VPS53: variants seen among roughly 807,000 people sequenced by gnomAD.
The protein encoded by VPS53 is VPS53 subunit of GARP complex.
Under a neutral mutation model 107.0 loss-of-function variants are expected in VPS53, and 70 were observed. The observed-to-expected ratio is 0.65, with a 90% CI of 0.54 to 0.80. The LOEUF (loss-of-function observed/expected upper bound fraction) is 0.80. Among genes scored for constraint, VPS53 ranks in the 30% least tolerant of loss-of-function variants. The pLI, the probability that VPS53 is intolerant of heterozygous loss-of-function variation, is 0.00. For missense variants in VPS53, 917 were observed against 1,049.4 expected (o/e 0.87, Z 1.74); for synonymous variants, 409 against 393.3 (o/e 1.04, Z -0.47).
intron 11 of VPS53, among the ~76,000 whole-genome samples, chr17:604,974 A>G (rs569906553): frequency 2.4e-4 from 36 of 152,180 alleles, no homozygotes; most frequent in Non-Finnish European, 4.3e-4. Context: ...CTTCAATCCA[A>G]CAGTCACACA....
At chr17:589,321 A>G (rs1967508778) in intron 12 of VPS53, among the ~76,000 whole-genome samples, 1 of 152,108 alleles carries the variant, frequency 6.6e-6, no homozygotes, top group South Asian at 2.1e-4. Flanking sequence ...TAAAATGGCT[A>G]CATTATGAAA....
At chr17:521,516 G>A in intron 20 of VPS53, 85 bp downstream of exon 20, 1 of 1,401,222 alleles carries the variant, frequency 7.1e-7, no homozygotes, top group Non-Finnish European at 9.4e-7. Flanking sequence ...GGTGAGGATA[G>A]GACCTACCCT....
At chr17:541,052 A>T (rs1910599584) in intron 17 of VPS53, among the ~76,000 whole-genome samples, 1 of 151,956 alleles carries the variant, frequency 6.6e-6, no homozygotes, top group African/African-American at 2.4e-5. Flanking sequence ...CTACTTCTTC[A>T]CTGGATTAGA....
rs1050620368 is a variant in VPS53 at position 661,435 on chromosome 17, C to T, written c.372+374G>A. Among the ~76,000 whole-genome samples, 11 of 149,660 alleles carry T rather than the reference C, an allele frequency of 7.3e-5. No individual in the cohort carries two copies. The Middle Eastern group carries it at 0.017, about 238-fold the overall frequency. On this transcript the variant is annotated intron_variant, in intron 5 of 21. Coordinates refer to ENST00000437048, the MANE Select transcript of VPS53 (RefSeq NM_001128159.3). Reference sequence around the variant, plus strand: ...ACTTGGGCGGCTGAGGCAGGGGAATCGCTTGAACCTGGGAGGCGGAGGTTG... The same window carrying T: ...ACTTGGGCGGCTGAGGCAGGGGAATTGCTTGAACCTGGGAGGCGGAGGTTG...
chr17:687,351 G>A (rs1188191839), intron 4 of VPS53, among the ~76,000 whole-genome samples: 3 of 151,392 alleles, frequency 2.0e-5, no homozygotes, highest in Non-Finnish European at 4.4e-5. Flanking sequence ...GCTGAGGCAC[G>A]CAGATCATGA....
At chr17:672,164 A>T (rs1971983170) in intron 4 of VPS53, among the ~76,000 whole-genome samples, 15 of 91,958 alleles carry the variant, frequency 1.6e-4, no homozygotes, top group East Asian at 1.1e-3. Flanking sequence ...TCTCTCTCTC[A>T]CACAATCTCA....
chr17:622,999 G>C (rs1350729947), intron 11 of VPS53, among the ~76,000 whole-genome samples: 1 of 151,996 alleles, frequency 6.6e-6, no homozygotes, highest in South Asian at 2.1e-4. Flanking sequence ...AAAAAGAAGA[G>C]GTTTCCGGAG....
Position 661,862 on chromosome 17 carries a change from G to T in VPS53, c.319C>A (p.Leu107Ile). The T allele has an allele frequency of 6.4e-7, 1 of 1,552,288 alleles. No individual in the cohort carries two copies. The highest frequency in any genetic ancestry group is 8.7e-7 in the Non-Finnish European group (1 of 1,147,118). ...LEEAQKAIQQ[L>I]FGKIKDIKDK... ...TTGATATCTTTGATTTTGCCAAAGA[G>T]TTGTTGGATAGCTTTCTGAGCCTCT... Residue 107 changes from leucine (L) to isoleucine (I), a missense_variant, in exon 5 of 22, where the codon CTC (leucine) becomes ATC (isoleucine). By Grantham distance (5) the Leu-to-Ile change is conservative. Coordinates refer to ENST00000437048, the MANE Select transcript of VPS53 (RefSeq NM_001128159.3).
chr17:581,838 G>A (rs1046554921), intron 13 of VPS53, among the ~76,000 whole-genome samples: 13 of 151,112 alleles, frequency 8.6e-5, no homozygotes, highest in African/African-American at 2.9e-4. Context: ...GGACCTCAAT[G>A]CGTTCCCAGA....
At chr17:650,072 T>C (rs1048000848) in intron 7 of VPS53, among the ~76,000 whole-genome samples, 1 of 152,116 alleles carries the variant, frequency 6.6e-6, no homozygotes, top group African/African-American at 2.4e-5. Flanking sequence ...ATCTAGAAGA[T>C]CCAACGTTCA....
chr17:712,625 A>T (rs1597522637), intron 1 of VPS53, among the ~76,000 whole-genome samples: 2 of 152,324 alleles, frequency 1.3e-5, no homozygotes, highest in East Asian at 3.9e-4. Flanking sequence ...AAGTAAGAAA[A>T]AATTCTGAAT....
intron 1 of VPS53, among the ~76,000 whole-genome samples, chr17:712,408 T>C (rs1973679587): frequency 6.6e-6 from 1 of 151,906 alleles, no homozygotes; most frequent in African/African-American, 2.4e-5. Flanking sequence ...CTTGAACTCC[T>C]GACATCGTGA....
At chr17:689,596 C>T (rs1056090062) in intron 4 of VPS53, among the ~76,000 whole-genome samples, 2 of 151,016 alleles carry the variant, frequency 1.3e-5, no homozygotes. Context: ...GCCTCAGCCT[C>T]GTGAGTAGCT....
In VPS53 at chr17:519,490, A is replaced by C. The variant is rs1038178546; in HGVS notation, c.2329-192T>G. On this transcript the variant is annotated intron_variant, in intron 21 of 21. Coordinates refer to ENST00000437048, the MANE Select transcript of VPS53 (RefSeq NM_001128159.3). This position sits in a 1 kb window ranked among gnomAD's most constrained non-coding sequence, Gnocchi z 5.0. ...TAGCGTGGGAGGAAAAGAGAGGGGAAGAAAAGGTAAAGGAAGGGAAAGAAG... is the reference window on the plus strand; with the variant it reads ...TAGCGTGGGAGGAAAAGAGAGGGGACGAAAAGGTAAAGGAAGGGAAAGAAG... Among the ~76,000 whole-genome samples the C allele has an allele frequency of 6.6e-6, 1 of 152,196 alleles. No individual in the cohort carries two copies. The highest frequency in any genetic ancestry group is 1.5e-5 in the Non-Finnish European group (1 of 68,028).
intron 4 of VPS53, among the ~76,000 whole-genome samples, chr17:673,014 AG>A (rs1172624761): frequency 6.7e-6 from 1 of 150,326 alleles, no homozygotes; most frequent in Non-Finnish European, 1.5e-5. Context: ...CGGGAGACTT[AG>A]GCAGGAGAAT....
intron 13 of VPS53, among the ~76,000 whole-genome samples, chr17:572,330 G>A (rs1914210622): frequency 6.6e-6 from 1 of 151,244 alleles, no homozygotes; most frequent in Admixed American, 6.6e-5. Context: ...TGAGAAGTGA[G>A]GAGCCCCTCC....
intron 11 of VPS53, among the ~76,000 whole-genome samples, chr17:611,383 A>G (rs1485789003): frequency 6.6e-6 from 1 of 152,180 alleles, no homozygotes; most frequent in East Asian, 1.9e-4. Context: ...GAAAACCACA[A>G]GGAGATACTA....
chr17:696,185 A>C (rs1428170813), intron 4 of VPS53, among the ~76,000 whole-genome samples: 1 of 152,240 alleles, frequency 6.6e-6, no homozygotes, highest in Non-Finnish European at 1.5e-5. Flanking sequence ...AACAGGCCAA[A>C]GGAAACTGGC....
chr17:543,096 G>A (rs1910831930), intron 17 of VPS53, among the ~76,000 whole-genome samples: 1 of 152,168 alleles, frequency 6.6e-6, no homozygotes, highest in Non-Finnish European at 1.5e-5. Flanking sequence ...GAACTTGACA[G>A]TTTCTTAGTC....
Sources: allele counts gnomAD v4.1 joint callset (sites outside exome capture counted in the v4.1 genomes callset), GRCh38; gene constraint gnomAD v4.1.1; non-coding constraint Gnocchi (gnomAD v3.1); transcripts MANE v1.5; gene names NCBI Gene and HGNC (gene_info 2026-07-23, HGNC 2026-07-21).